Variants in GM2A observed in about 807,000 individuals in gnomAD.
The protein encoded by GM2A is GM2 ganglioside activator.
In GM2A, 7 loss-of-function variants were observed where a neutral mutation model predicts 12.9. That is an observed-to-expected ratio of 0.54 (90% CI 0.31 to 1.02). The LOEUF (loss-of-function observed/expected upper bound fraction) is 1.02, where lower values mean the gene tolerates loss of function less well. Ranked by LOEUF, GM2A falls within the 50% of genes least tolerant of loss-of-function variation. The pLI is 0.05. For synonymous variants in GM2A, 101 were observed against 96.0 expected (o/e 1.05, Z -0.30); for missense variants, 246 against 241.0 (o/e 1.02, Z -0.14).
In GM2A at chr5:151,264,885, G is replaced by A. The variant is rs994044516; in HGVS notation, c.244-1846G>A. ...TAATCTCAGCTACTCAGGAGGCTAA[G>A]ACAGGAGAATCGCTTGAACGCAGGA... On this transcript the variant is annotated intron_variant, in intron 2 of 3. Coordinates refer to ENST00000357164, the MANE Select transcript of GM2A (RefSeq NM_000405.5). Among the ~76,000 whole-genome samples the A allele has an allele frequency of 7.2e-5, 11 of 151,992 alleles. 1 individual carries two copies. Among genetic ancestry groups the A allele is most frequent in the Admixed American group, 2.0e-4 (3 of 15,258 alleles).
rs113128701 is a variant in GM2A at position 151,270,035 on chromosome 5, G to A, written c.*2584G>A. 34 of 1,229,910 alleles carry A rather than the reference G, an allele frequency of 2.8e-5. 1 individual carries two copies. In the African/African-American group the frequency reaches 2.9e-4, roughly 11 times the overall value. 76.2% of individuals were successfully genotyped at this position (1,229,910 alleles called of 1,614,324 possible). ...TCATTTTTAGTTCACATTCTTGACC[G>A]AATCTCAGTAGCTCAGTTAATCTTT... is the stretch of plus-strand genomic sequence containing the variant. On this transcript the variant is annotated 3_prime_UTR_variant, in exon 4 of 4. Transcript: ENST00000357164.
intron 2 of GM2A, among the ~76,000 whole-genome samples, chr5:151,265,782 A>G (rs1753873139): frequency 6.6e-6 from 1 of 152,126 alleles, no homozygotes; most frequent in African/African-American, 2.4e-5. Context: ...AGAGCTTCTC[A>G]CCCAGCCCTA....
rs1198447974 is a variant in GM2A at position 151,268,952 on chromosome 5, C to T, written c.*1501C>T. 5 of 985,316 alleles carry T rather than the reference C, an allele frequency of 5.1e-6. No homozygotes were observed. The highest frequency in any genetic ancestry group is 1.7e-5 in the African/African-American group (1 of 57,232). The allele number at this position is 985,316 out of a possible 1,614,324, so 61.0% of individuals were successfully genotyped here. On this transcript the variant is annotated 3_prime_UTR_variant, in exon 4 of 4. Coordinates refer to ENST00000357164, the MANE Select transcript of GM2A (RefSeq NM_000405.5). ...GTCCGGTCCCAAGGACAAGGCTCTTCCAGTGCTAGGAGAGGTATGAGCAGC... is the reference window on the plus strand; with the variant it reads ...GTCCGGTCCCAAGGACAAGGCTCTTTCAGTGCTAGGAGAGGTATGAGCAGC...
intron 1 of GM2A, among the ~76,000 whole-genome samples, chr5:151,257,046 A>T (rs555244207): frequency 8.9e-4 from 135 of 152,298 alleles, no homozygotes; most frequent in African/African-American, 3.0e-3. Flanking sequence ...TAGGGGGTTA[A>T]CTTACCCATG....
rs1753981072 is a variant in GM2A, at chr5:151,270,137, T to G, written c.*2686T>G. 8.1e-7 allele frequency: 1 copy of G among 1,228,928 alleles called. No homozygotes were observed. The highest frequency in any genetic ancestry group is 1.0e-6 in the Non-Finnish European group (1 of 986,026). The allele number at this position is 1,228,928 out of a possible 1,614,324, so 76.1% of individuals were successfully genotyped here. A position where few individuals can be genotyped will look rare whatever the true frequency, so the allele number is the denominator to read the frequency against. On this transcript the variant is annotated 3_prime_UTR_variant, in exon 4 of 4. Transcript: ENST00000357164. Reference sequence around the variant, plus strand: ...GGGGGATGAGGAGTTAAAGGTGGCATCTTCAATCGCAGGTCAAAGCAGACT... The same window carrying G: ...GGGGGATGAGGAGTTAAAGGTGGCAGCTTCAATCGCAGGTCAAAGCAGACT...
intron 1 of GM2A, 137 bp downstream of exon 1, chr5:151,253,434 A>T (rs569711458): frequency 1.4e-4 from 103 of 712,002 alleles, no homozygotes; most frequent in Non-Finnish European, 2.4e-4. Flanking sequence ...CAAAGTAACT[A>T]ATTATGGGAT....
At chr5:151,263,100 T>C (rs1207231030) in intron 2 of GM2A, among the ~76,000 whole-genome samples, 1 of 149,790 alleles carries the variant, frequency 6.7e-6, no homozygotes, top group Non-Finnish European at 1.5e-5. Context: ...TTTTTTTTTT[T>C]TTTTTTTTTT....
chr5:151,267,148 AGT>A, intron 3 of GM2A, 146 bp from the exon 4 acceptor site: 1 of 1,017,142 alleles, frequency 9.8e-7, no homozygotes, highest in South Asian at 1.4e-5. Context: ...CATGCTCTAC[AGT>A]GCTATGGCCG....
Position 151,253,226 on chromosome 5 carries a change from C to T in GM2A, c.10C>T (p.Leu4=). 6.2e-7 allele frequency: 1 copy of T among 1,613,906 alleles called. No individual in the cohort carries two copies. The highest frequency in any genetic ancestry group is 8.5e-7 in the Non-Finnish European group (1 of 1,179,794). ...TGACCCACCCTTCCCGATGCAGTCC[C>T]TGATGCAGGCTCCCCTCCTGATCGC... MQS[L]MQAPLLIALG... The change falls in exon 1 of 4, where the codon CTG becomes TTG. Residue 4 remains leucine (L), a synonymous_variant. Coordinates refer to ENST00000357164, the MANE Select transcript of GM2A (RefSeq NM_000405.5).
intron 2 of GM2A, among the ~76,000 whole-genome samples, chr5:151,263,097 T>C (rs974172154): frequency 1.3e-5 from 2 of 149,460 alleles, no homozygotes; most frequent in Admixed American, 6.6e-5. Context: ...TTCTTTTTTT[T>C]TTTTTTTTTT....
Position 151,270,309 on chromosome 5 carries a change from G to A in GM2A, c.*2858G>A, listed in dbSNP as rs1753985200. The A allele has an allele frequency of 5.0e-6, 2 of 403,236 alleles. No individual in the cohort carries two copies. The highest frequency in any genetic ancestry group is 4.3e-6 in the Non-Finnish European group (1 of 230,350). 25.0% of individuals were successfully genotyped at this position (403,236 alleles called of 1,614,324 possible). On this transcript the variant is annotated 3_prime_UTR_variant, in exon 4 of 4. Transcript: ENST00000357164. ...AAGCCATATAAATACAGAAGGAAAC[G>A]TGGTGGAAATATCCAGTGGCAACAA...
At position 151,270,092 on chromosome 5, in the gene GM2A, C is replaced by G. The variant is rs777790635; in HGVS notation, c.*2641C>G. ...CTGCTCTGCTCTTGGGTCATATGTTCCGTGAGGTTTCTTAGGGGTGGGGGA... is the reference window on the plus strand; with the variant it reads ...CTGCTCTGCTCTTGGGTCATATGTTGCGTGAGGTTTCTTAGGGGTGGGGGA... On this transcript the variant is annotated 3_prime_UTR_variant, in exon 4 of 4. Transcript: ENST00000357164. 12 of 1,231,038 alleles carry G rather than the reference C, an allele frequency of 9.7e-6. No individual in the cohort carries two copies. Among genetic ancestry groups the G allele is most frequent in the Non-Finnish European group, 1.1e-5 (11 of 987,908 alleles). The allele number at this position is 1,231,038 out of a possible 1,614,324, so 76.3% of individuals were successfully genotyped here.
At chr5:151,265,130 TGA>T (rs1481367087) in intron 2 of GM2A, among the ~76,000 whole-genome samples, 1 of 151,966 alleles carries the variant, frequency 6.6e-6, no homozygotes, top group East Asian at 1.9e-4. Flanking sequence ...GCAGGTTTGA[TGA>T]GAGAGAGGAG....
rs1330514996 is a variant in GM2A at position 151,270,043 on chromosome 5, G to A, written c.*2592G>A. 2 of 1,230,218 alleles carry A rather than the reference G, an allele frequency of 1.6e-6. No individual in the cohort carries two copies. The highest frequency in any genetic ancestry group is 2.0e-6 in the Non-Finnish European group (2 of 987,672). 76.2% of individuals were successfully genotyped at this position (1,230,218 alleles called of 1,614,324 possible). A position where few individuals can be genotyped will look rare whatever the true frequency, so the allele number is the denominator to read the frequency against. On this transcript the variant is annotated 3_prime_UTR_variant, in exon 4 of 4. Transcript: ENST00000357164. ...AGTTCACATTCTTGACCGAATCTCA[G>A]TAGCTCAGTTAATCTTTTTATGTCT...
chr5:151,254,095 G>A (rs755330986), intron 1 of GM2A, among the ~76,000 whole-genome samples: 5 of 152,094 alleles, frequency 3.3e-5, no homozygotes, highest in Non-Finnish European at 4.4e-5. Flanking sequence ...CATTCAATTT[G>A]ATGGATAATT....
rs141199254 is a variant in GM2A, at chr5:151,259,855, C to G, written c.182C>G (p.Pro61Arg). The G allele has an allele frequency of 2.2e-5, 35 of 1,613,542 alleles. No individual in the cohort carries two copies. In the African/African-American group the frequency reaches 3.7e-4, roughly 17 times the overall value. Residue 61 changes from proline to arginine, a missense_variant, in exon 2 of 4, where the codon CCT becomes CGT. Physicochemically the swap from Pro to Arg is moderately radical, Grantham distance 103. Transcript: ENST00000357164. The part of the protein sequence containing the change: ...LTLEPDPIIV[P>R]GNVTLSVMGS... ...CTGGAGCCTGACCCCATCATCGTTC[C>G]TGGAAATGTGACCCTCAGTGTCATG... is the stretch of plus-strand genomic sequence containing the variant.
In GM2A at chr5:151,267,622, G is replaced by A. The variant is rs1561620634; in HGVS notation, c.*171G>A. On this transcript the variant is annotated 3_prime_UTR_variant, in exon 4 of 4. Coordinates refer to ENST00000357164, the MANE Select transcript of GM2A (RefSeq NM_000405.5). Reference sequence around the variant, plus strand: ...TGTACCACTTACATTTTAGGCTGGGGCAAGCAGCCCTGACCTAAGGGAGAA... The same window carrying A: ...TGTACCACTTACATTTTAGGCTGGGACAAGCAGCCCTGACCTAAGGGAGAA... 6.6e-7 allele frequency: 1 copy of A among 1,522,812 alleles called. No individual in the cohort carries two copies. Among genetic ancestry groups the A allele is most frequent in the South Asian group, 1.2e-5 (1 of 83,084 alleles). 94.3% of individuals were successfully genotyped at this position (1,522,812 alleles called of 1,614,324 possible). A position where few individuals can be genotyped will look rare whatever the true frequency, so the allele number is the denominator to read the frequency against.
Position 151,266,848 on chromosome 5 carries a change from A to G in GM2A, c.361A>G (p.Thr121Ala), listed in dbSNP as rs770317166. The part of the protein sequence containing the change: ...FCDVLDMLIP[T>A]GEPCPEPLRT... Reference sequence around the variant, plus strand: ...TGATGTGCTTGACATGTTAATTCCTACTGGGGAGCCCTGCCCAGAGCCCCT... The same window carrying G: ...TGATGTGCTTGACATGTTAATTCCTGCTGGGGAGCCCTGCCCAGAGCCCCT... The change falls in exon 3 of 4, where the codon ACT becomes GCT. Residue 121 changes from threonine (T) to alanine (A), a missense_variant. Coordinates refer to ENST00000357164, the MANE Select transcript of GM2A (RefSeq NM_000405.5). The G allele has an allele frequency of 1.1e-5, 17 of 1,613,760 alleles. No homozygotes were observed. The highest frequency in any genetic ancestry group is 1.4e-5 in the Non-Finnish European group (16 of 1,179,792).
At chr5:151,256,730 A>G (rs1241989776) in intron 1 of GM2A, among the ~76,000 whole-genome samples, 1 of 152,148 alleles carries the variant, frequency 6.6e-6, no homozygotes, top group Admixed American at 6.5e-5. Context: ...CAACATTAGT[A>G]CATTACTGTT....
Sources: allele counts gnomAD v4.1 joint callset (sites outside exome capture counted in the v4.1 genomes callset), GRCh38; gene constraint gnomAD v4.1.1; transcripts MANE v1.5; gene names NCBI Gene and HGNC (gene_info 2026-07-23, HGNC 2026-07-21).